The following EPAS1 variants were observed in gnomAD, a reference collection of about 807,000 sequenced individuals.
The protein encoded by EPAS1 is endothelial PAS domain protein 1.
Under a neutral mutation model 87.9 loss-of-function variants are expected in EPAS1, and 23 were observed. The ratio of observed to expected loss-of-function variants is 0.26; its 90% CI spans 0.19 to 0.37. The LOEUF is 0.37. Ranked by LOEUF, EPAS1 falls within the 10% of genes least tolerant of loss-of-function variation. EPAS1 has a pLI of 1.00. For missense variants in EPAS1, 1,138 were observed against 1,120.7 expected (o/e 1.02, Z -0.22); for synonymous variants, 508 against 444.3 (o/e 1.14, Z -1.80).
intron 2 of EPAS1, among the ~76,000 whole-genome samples, chr2:46,349,249 G>A (rs1558597358): frequency 6.6e-6 from 1 of 152,168 alleles, no homozygotes; most frequent in Non-Finnish European, 1.5e-5. Context: ...CTTCCCCCTA[G>A]TGCAGGGCTT....
Position 46,384,760 on chromosome 2 carries a change from C to CA in EPAS1, c.*100_*101insA. ...ACTAGGTATTTCTAACGCCAGCACA[C>CA]TATTTACAAGATGGACTTACCTGGC... is the stretch of plus-strand genomic sequence containing the variant. On this transcript the variant is annotated 3_prime_UTR_variant, in exon 16 of 16. Transcript: ENST00000263734. 2.0e-6 allele frequency: 3 copies of CA among 1,486,032 alleles called. No homozygotes were observed. Among genetic ancestry groups the CA allele is most frequent in the Middle Eastern group, 2.2e-4 (1 of 4,638 alleles). The allele number at this position is 1,486,032 out of a possible 1,614,324, so 92.1% of individuals were successfully genotyped here.
chr2:46,329,683 G>C (rs1202954493), intron 1 of EPAS1, among the ~76,000 whole-genome samples: 1 of 151,290 alleles, frequency 6.6e-6, no homozygotes, highest in Non-Finnish European at 1.5e-5. Context: ...TTAGCCAGGT[G>C]CAGTGGTGGG....
At chr2:46,311,805 T>G (rs1683216424) in intron 1 of EPAS1, among the ~76,000 whole-genome samples, 1 of 152,142 alleles carries the variant, frequency 6.6e-6, no homozygotes. Context: ...CACCTGAGGG[T>G]GGTGTGGTCA....
chr2:46,308,463 G>GGT (rs1553388772), intron 1 of EPAS1, among the ~76,000 whole-genome samples: 1 of 142,402 alleles, frequency 7.0e-6, no homozygotes, highest in Non-Finnish European at 1.5e-5. Context: ...TTTTTTTTGG[G>GGT]GGGGGGGGCT....
chr2:46,338,202 C>T (rs949386901), intron 1 of EPAS1, among the ~76,000 whole-genome samples: 9 of 152,208 alleles, frequency 5.9e-5, no homozygotes, highest in African/African-American at 2.2e-4. Context: ...GGGCATGCCA[C>T]TAACATCCTT....
At chr2:46,353,038 G>T (rs1684202614) in intron 2 of EPAS1, among the ~76,000 whole-genome samples, 1 of 152,192 alleles carries the variant, frequency 6.6e-6, no homozygotes, top group South Asian at 2.1e-4. Flanking sequence ...GATTACTTCA[G>T]ATTTTGAAGT....
chr2:46,299,413 A>G (rs983609217), intron 1 of EPAS1, among the ~76,000 whole-genome samples: 19 of 152,222 alleles, frequency 1.2e-4, no homozygotes, highest in African/African-American at 4.6e-4. Flanking sequence ...CAGCCGGCAC[A>G]TTCCCAGGGC....
intron 1 of EPAS1, among the ~76,000 whole-genome samples, chr2:46,320,826 C>G (rs1177569437): frequency 6.6e-6 from 1 of 152,078 alleles, no homozygotes; most frequent in Non-Finnish European, 1.5e-5. Flanking sequence ...TTGTCGTTTT[C>G]CTTTGCTGGT....
chr2:46,379,450 T>TTTAGCTTTTCTATCACCCTCCCTCC (rs1684834745), intron 11 of EPAS1, among the ~76,000 whole-genome samples: 3 of 152,156 alleles, frequency 2.0e-5, no homozygotes, highest in Non-Finnish European at 4.4e-5. Flanking sequence ...CATGCCCAAT[T>TTTAGCTTTTCTATCACCCTCCCTCC]TTAGCTTTTC....
intron 2 of EPAS1, among the ~76,000 whole-genome samples, chr2:46,352,030 AT>A (rs1479302463): frequency 6.6e-6 from 1 of 152,204 alleles, no homozygotes; most frequent in Non-Finnish European, 1.5e-5. Flanking sequence ...TACCGGGGCT[AT>A]TTTTAGCATT....
rs781305223 is a variant in EPAS1 at position 46,375,696 on chromosome 2, C to G, written c.893C>G (p.Thr298Ser). The G allele has an allele frequency of 1.9e-6, 3 of 1,614,058 alleles. No individual in the cohort carries two copies. Among genetic ancestry groups the G allele is most frequent in the Non-Finnish European group, 2.5e-6 (3 of 1,179,964 alleles). The change falls in exon 8 of 16, where the codon ACC becomes AGC. Residue 298 changes from threonine (T) to serine (S), a missense_variant. By Grantham distance (58) the Thr-to-Ser change is moderately conservative. Coordinates refer to ENST00000263734, the MANE Select transcript of EPAS1 (RefSeq NM_001430.5). This position sits in a 1 kb window ranked among gnomAD's most constrained non-coding sequence, Gnocchi z 4.1. ...TCTGTTTCTCCTCCCCTAGTGTGCA[C>G]CAAGGGTCAGGTAGTAAGTGGCCAG... ...NMTKSHQNLC[T>S]KGQVVSGQYR...
chr2:46,340,055 C>T (rs144003965), intron 1 of EPAS1, among the ~76,000 whole-genome samples: 1 of 152,278 alleles, frequency 6.6e-6, no homozygotes, highest in Non-Finnish European at 1.5e-5. Context: ...AAGCTAAGCA[C>T]AGGGACAGTT....
Position 46,378,519 on chromosome 2 carries a change from C to T in EPAS1, c.1444-138C>T, listed in dbSNP as rs549637803. 7.3e-5 allele frequency: 54 copies of T among 742,530 alleles called. No homozygotes were observed. The African/African-American group carries it at 8.1e-4, about 11-fold the overall frequency. 46.0% of individuals were successfully genotyped at this position (742,530 alleles called of 1,614,324 possible). A position where few individuals can be genotyped will look rare whatever the true frequency, so the allele number is the denominator to read the frequency against. On this transcript the variant is annotated intron_variant, in intron 10 of 15. Transcript: ENST00000263734. ...CTAATTCATACAGCTTGTTAATTAG[C>T]AGCCCCTCTACAAATAGTTGTGTGG...
chr2:46,319,128 C>G (rs1683405350), intron 1 of EPAS1, among the ~76,000 whole-genome samples: 1 of 152,180 alleles, frequency 6.6e-6, no homozygotes, highest in Non-Finnish European at 1.5e-5. Context: ...CCAGAAATAG[C>G]TGCAAAATAA....
intron 1 of EPAS1, among the ~76,000 whole-genome samples, chr2:46,324,965 T>C (rs1176180233): frequency 1.3e-5 from 2 of 152,366 alleles, no homozygotes; most frequent in Non-Finnish European, 2.9e-5. Context: ...CAGTTCCCCA[T>C]TGATAGAGAT....
chr2:46,341,036 T>C (rs1683902040), intron 1 of EPAS1, among the ~76,000 whole-genome samples: 1 of 152,210 alleles, frequency 6.6e-6, no homozygotes, highest in Non-Finnish European at 1.5e-5. Flanking sequence ...CTGTTTTCAC[T>C]ATCTAACATT....
chr2:46,379,745 T>C lies in EPAS1; in HGVS notation c.1555-482T>C, dbSNP rs1001016158. 7 of 208,324 alleles carry C rather than the reference T, an allele frequency of 3.4e-5. No individual in the cohort carries two copies. The South Asian group carries it at 5.5e-4, about 16-fold the overall frequency. 12.9% of individuals were successfully genotyped at this position (208,324 alleles called of 1,614,324 possible). On this transcript the variant is annotated intron_variant, in intron 11 of 15. Transcript: ENST00000263734. ...TGGGGTCTGGCTGTTAGGCTGTTAC[T>C]CTGCGAGAGTCCACAGATGGACCTG...
At position 46,384,533 on chromosome 2, in the gene EPAS1, C is replaced by T. The variant is rs954212611; in HGVS notation, c.2486C>T (p.Pro829Leu). The T allele has an allele frequency of 6.2e-7, 1 of 1,614,202 alleles. No homozygotes were observed. Among genetic ancestry groups the T allele is most frequent in the African/African-American group, 1.3e-5 (1 of 75,058 alleles). ...VSGMASRLLG[P>L]SFESYLLPEL... Reference sequence around the variant, plus strand: ...GGCATGGCAAGCCGGCTGCTCGGGCCCTCATTTGAGTCCTACCTGCTGCCC... The same window carrying T: ...GGCATGGCAAGCCGGCTGCTCGGGCTCTCATTTGAGTCCTACCTGCTGCCC... Residue 829 changes from proline to leucine, a missense_variant, in exon 16 of 16, where the codon CCC becomes CTC. Physicochemically the swap from Pro to Leu is moderately conservative, Grantham distance 98 (BLOSUM62 -3). Around this residue, in one of 4 missense-constraint regions of EPAS1, gnomAD observed 502 missense variants for 427.1 expected, o/e 1.18. Coordinates refer to ENST00000263734, the MANE Select transcript of EPAS1 (RefSeq NM_001430.5).
At chr2:46,366,114 G>A (rs926165568) in intron 6 of EPAS1, among the ~76,000 whole-genome samples, 1 of 152,256 alleles carries the variant, frequency 6.6e-6, no homozygotes, top group African/African-American at 2.4e-5. Context: ...TCTGAAGTCA[G>A]GCACCGTGGC....
Sources: gnomAD v4.1 joint callset for allele counts (sites outside exome capture counted in the v4.1 genomes callset) on GRCh38, gnomAD v4.1.1 for gene constraint, gnomAD v4.1.1 regional missense constraint, Gnocchi (gnomAD v3.1) non-coding constraint, MANE v1.5 for transcripts, NCBI Gene and HGNC (gene_info 2026-07-23, HGNC 2026-07-21) for gene names.